DNAAF11: variants seen among roughly 807,000 people sequenced by gnomAD.
The protein encoded by DNAAF11 is dynein axonemal assembly factor 11.
In DNAAF11, 45 loss-of-function variants were observed where a neutral mutation model predicts 60.8. The ratio of observed to expected loss-of-function variants is 0.74; its 90% CI spans 0.58 to 0.95. DNAAF11 has a LOEUF of 0.95. Ranked by LOEUF, DNAAF11 falls within the 40% of genes least tolerant of loss-of-function variation. The pLI, the probability that DNAAF11 is intolerant of heterozygous loss-of-function variation, is 0.00. For synonymous variants in DNAAF11, 191 were observed against 183.5 expected, an observed-to-expected ratio of 1.04 and a Z score of -0.33; for missense variants, 546 against 546.2, an observed-to-expected ratio of 1.00 and a Z score of 0.00.
chr8:132,674,908 C>T (rs780219438), intron 1 of DNAAF11, among the ~76,000 whole-genome samples: 1 of 152,150 alleles, frequency 6.6e-6, no homozygotes, highest in Non-Finnish European at 1.5e-5. Context: ...AACAAAAACA[C>T]GTTTATAACA....
intron 11 of DNAAF11, among the ~76,000 whole-genome samples, chr8:132,573,352 C>A (rs1814418147): frequency 6.6e-6 from 1 of 152,210 alleles, no homozygotes; most frequent in South Asian, 2.1e-4. Context: ...TGTATAGGCA[C>A]CAGGGAAACC....
In DNAAF11 at chr8:132,649,355, C is replaced by T. The variant is rs189884044; in HGVS notation, c.256+7475G>A. Among the ~76,000 whole-genome samples the T allele has an allele frequency of 7.6e-3, 1,161 of 152,248 alleles. 10 individuals carry two copies. In the Middle Eastern group the frequency reaches 0.088, roughly 12 times the overall value. On this transcript the variant is annotated intron_variant, in intron 3 of 11. Coordinates refer to ENST00000620350, the MANE Select transcript of DNAAF11 (RefSeq NM_012472.6). ...ACTGGATCCCTTCCTTACACCTTAA[C>T]AAAAATTAATTTGAGATGGATTAAA...
the DNAAF11 span, among the ~76,000 whole-genome samples, chr8:132,699,436 G>A: frequency 1.3e-5 from 2 of 152,118 alleles, no homozygotes; most frequent in Non-Finnish European, 2.9e-5. Flanking sequence ...TGGGATTGAG[G>A]GTAATTAACA....
At chr8:132,667,141 T>G (rs1337200330) in intron 1 of DNAAF11, among the ~76,000 whole-genome samples, 2 of 152,178 alleles carry the variant, frequency 1.3e-5, no homozygotes, top group Non-Finnish European at 2.9e-5. Flanking sequence ...CTACTATTAT[T>G]TAGAACTGGA....
chr8:132,588,661 C>T (rs1162798729), intron 10 of DNAAF11, among the ~76,000 whole-genome samples: 1 of 152,122 alleles, frequency 6.6e-6, no homozygotes, highest in East Asian at 1.9e-4. Flanking sequence ...GGATAGAGAG[C>T]AGAAATCAAA....
rs113821625 is a variant in DNAAF11, at chr8:132,654,670, A to G, written c.256+2160T>C. 4.4e-3 allele frequency among the ~76,000 whole-genome samples: 672 copies of G among 151,962 alleles called. 9 individuals are homozygous for G. Among genetic ancestry groups the G allele is most frequent in the African/African-American group, 0.015 (642 of 41,502 alleles). ...TGTGGAAATTAAACAACACTGCTAT[A>G]TAACTAATAGGTTAAAGAAAAAAAT... On this transcript the variant is annotated intron_variant, in intron 3 of 11. Coordinates refer to ENST00000620350, the MANE Select transcript of DNAAF11 (RefSeq NM_012472.6).
At chr8:132,672,504 G>A (rs1825282210) in intron 1 of DNAAF11, among the ~76,000 whole-genome samples, 1 of 152,130 alleles carries the variant, frequency 6.6e-6, no homozygotes, top group Non-Finnish European at 1.5e-5. Flanking sequence ...ACATACACAA[G>A]AGTGCGGGCT....
upstream of DNAAF11, among the ~76,000 whole-genome samples, chr8:132,677,421 C>T (rs1825800764): frequency 6.6e-6 from 1 of 151,804 alleles, no homozygotes; most frequent in Non-Finnish European, 1.5e-5. Flanking sequence ...AACGATGTCT[C>T]TTAATAAAAA....
At chr8:132,599,439 C>G (rs781437714) in intron 10 of DNAAF11, among the ~76,000 whole-genome samples, 51 of 152,170 alleles carry the variant, frequency 3.4e-4, no homozygotes, top group Non-Finnish European at 4.6e-4. Context: ...CCAGCATCAT[C>G]CTGATACCAA....
rs1461647763 is a variant in DNAAF11 at position 132,572,183 on chromosome 8, C to T, written c.*123G>A. The T allele has an allele frequency of 2.1e-5, 16 of 751,068 alleles. No homozygotes were observed. The highest frequency in any genetic ancestry group is 3.4e-5 in the Non-Finnish European group (16 of 465,454). The allele number at this position is 751,068 out of a possible 1,614,324, so 46.5% of individuals were successfully genotyped here. A position where few individuals can be genotyped will look rare whatever the true frequency, so the allele number is the denominator to read the frequency against. On this transcript the variant is annotated 3_prime_UTR_variant, in exon 12 of 12. Coordinates refer to ENST00000620350, the MANE Select transcript of DNAAF11 (RefSeq NM_012472.6). The stretch of plus-strand genomic sequence containing the variant: ...TTACTATGCAAAGTAAGAGTTAAAA[C>T]ACTGGAGCAGCGATATTGACAAATA...
chr8:132,699,544 G>A, the DNAAF11 span, among the ~76,000 whole-genome samples: 3 of 152,118 alleles, frequency 2.0e-5, no homozygotes, highest in African/African-American at 7.2e-5. Flanking sequence ...AGGCCAGGTA[G>A]AAAACTTTCT....
chr8:132,611,499 A>C, intron 8 of DNAAF11, 136 bp from the exon 9 acceptor site: 1 of 519,714 alleles, frequency 1.9e-6, no homozygotes, highest in Non-Finnish European at 3.4e-6. Flanking sequence ...GGTCTTTAAA[A>C]AATTAGTTTT....
rs936489379 is a variant in DNAAF11, at chr8:132,584,730, G to A, written c.1141-951C>T. 2.0e-5 allele frequency among the ~76,000 whole-genome samples: 3 copies of A among 152,158 alleles called. No individual in the cohort carries two copies. The South Asian group carries it at 6.2e-4, about 32-fold the overall frequency. Reference sequence around the variant, plus strand: ...CCTGCCACATCTCTCTTATGGGCAGGGTCATTATCTCAAGGGTGAAGGCTA... The same window carrying A: ...CCTGCCACATCTCTCTTATGGGCAGAGTCATTATCTCAAGGGTGAAGGCTA... On this transcript the variant is annotated intron_variant, in intron 10 of 11. Transcript: ENST00000620350.
chr8:132,676,948 G>T (rs1413288577), upstream of DNAAF11, among the ~76,000 whole-genome samples: 1 of 152,172 alleles, frequency 6.6e-6, no homozygotes, highest in Admixed American at 6.5e-5. Context: ...CTGAAAGCAG[G>T]TTAGTGTGAG....
chr8:132,610,332 T>C, intron 9 of DNAAF11, 71 bp from the exon 10 acceptor site: 1 of 944,078 alleles, frequency 1.1e-6, no homozygotes, highest in East Asian at 2.4e-5. Flanking sequence ...AAAAGGGGCA[T>C]TTTCATTACA....
At chr8:132,632,594 TCATATTCTTC>T (rs1820902493) in intron 5 of DNAAF11, 136 bp downstream of exon 5, 1 of 641,430 alleles carries the variant, frequency 1.6e-6, no homozygotes. Context: ...AATGGGATGC[TCATATTCTTC>T]CATCCAAAAT....
At chr8:132,589,581 T>C (rs1172033971) in intron 10 of DNAAF11, among the ~76,000 whole-genome samples, 11 of 152,212 alleles carry the variant, frequency 7.2e-5, no homozygotes, top group Non-Finnish European at 1.5e-5. Flanking sequence ...GTTTAGACTA[T>C]TTTAGTCAAA....
intron 4 of DNAAF11, among the ~76,000 whole-genome samples, chr8:132,633,714 T>C (rs1370599888): frequency 6.6e-6 from 1 of 152,132 alleles, no homozygotes; most frequent in Admixed American, 6.5e-5. Flanking sequence ...ATGATTCTTA[T>C]AAGGACCACA....
intron 1 of DNAAF11, 120 bp from the exon 2 acceptor site, chr8:132,661,747 G>A (rs1409616803): frequency 1.0e-6 from 1 of 983,168 alleles, no homozygotes. Context: ...CAATTTTCCA[G>A]GCCCAAGCGA....
Sources: gnomAD v4.1 joint callset for allele counts (sites outside exome capture counted in the v4.1 genomes callset) on GRCh38, gnomAD v4.1.1 for gene constraint, MANE v1.5 for transcripts, NCBI Gene and HGNC (gene_info 2026-07-23, HGNC 2026-07-21) for gene names.